MYO5B: variants seen among roughly 807,000 people sequenced by gnomAD.
MYO5B encodes the protein unconventional myosin-Vb.
A neutral mutation model predicts 229.3 loss-of-function variants in MYO5B; 143 were observed. The ratio of observed to expected loss-of-function variants is 0.62; its 90% CI spans 0.54 to 0.72. MYO5B has a LOEUF of 0.72. Ranked by LOEUF, MYO5B falls within the 30% of genes least tolerant of loss-of-function variation. The probability of loss-of-function intolerance (pLI) is 0.00; values close to 1 mark genes in which losing one functional copy is unlikely to be tolerated. For missense variants in MYO5B, 2,321 were observed against 2,331.0 expected (o/e 1.00, Z 0.09); for synonymous variants, 918 against 885.2 (o/e 1.04, Z -0.66).
intron 29 of MYO5B, among the ~76,000 whole-genome samples, chr18:49,857,588 T>C (rs1181081402): frequency 6.6e-6 from 1 of 152,222 alleles, no homozygotes; most frequent in East Asian, 1.9e-4. Context: ...TGTGATGCCC[T>C]AGATGAGAAC....
At chr18:49,868,110 T>C (rs1274306098) in intron 27 of MYO5B, among the ~76,000 whole-genome samples, 1 of 152,096 alleles carries the variant, frequency 6.6e-6, no homozygotes, top group Non-Finnish European at 1.5e-5. Flanking sequence ...AAAAATTATA[T>C]ATATAACAAC....
At chr18:50,067,200 A>G (rs921384939) in intron 1 of MYO5B, among the ~76,000 whole-genome samples, 2 of 152,220 alleles carry the variant, frequency 1.3e-5, no homozygotes, top group African/African-American at 4.8e-5. Context: ...GATGGGCCCC[A>G]TCTTCTCAAT....
At chr18:49,936,094 C>A (rs1480733781) in intron 16 of MYO5B, among the ~76,000 whole-genome samples, 158 bp downstream of exon 16, 1 of 152,256 alleles carries the variant, frequency 6.6e-6, no homozygotes, top group Non-Finnish European at 1.5e-5. Flanking sequence ...CAGCAAGTGT[C>A]TGTCAGTCTG....
chr18:50,085,787 C>T (rs1422882974), intron 1 of MYO5B, among the ~76,000 whole-genome samples: 3 of 152,098 alleles, frequency 2.0e-5, no homozygotes, highest in Non-Finnish European at 2.9e-5. Flanking sequence ...AAACTGGAAA[C>T]CATCATTCTC....
chr18:50,015,234 G>A (rs532331418), intron 4 of MYO5B, among the ~76,000 whole-genome samples: 2 of 152,280 alleles, frequency 1.3e-5, no homozygotes, highest in East Asian at 3.9e-4. Flanking sequence ...TTGTGCATTG[G>A]AGGGAAATGA....
In MYO5B at chr18:49,953,952, CATGTGTGTGTGTGT is replaced by C. The variant is rs1355628997; in HGVS notation, c.1668+347_1668+360del. Among the ~76,000 whole-genome samples, 5 of 116,088 alleles carry C rather than the reference CATGTGTGTGTGTGT, an allele frequency of 4.3e-5. No homozygotes were observed. In the South Asian group the frequency reaches 9.2e-4, roughly 21 times the overall value. The allele number at this position is 116,088 out of a possible 152,430, so 76.2% of individuals were successfully genotyped here. On this transcript the variant is annotated intron_variant, in intron 13 of 39. Coordinates refer to ENST00000285039, the MANE Select transcript of MYO5B (RefSeq NM_001080467.3). ...TGTGTGTAGACTATATATATACAGACATGTGTGTGTGTGTATGTGTGTGTGTATAGACTATATAT... is the reference window on the plus strand; with the variant it reads ...TGTGTGTAGACTATATATATACAGACATGTGTGTGTGTATAGACTATATAT...
intron 17 of MYO5B, among the ~76,000 whole-genome samples, chr18:49,916,635 C>T (rs1050774307): frequency 6.6e-6 from 1 of 152,110 alleles, no homozygotes; most frequent in Non-Finnish European, 1.5e-5. Flanking sequence ...AGAGGAGATG[C>T]CAGCTCCTGT....
intron 1 of MYO5B, among the ~76,000 whole-genome samples, chr18:50,141,362 G>A (rs1360040799): frequency 1.3e-5 from 2 of 152,196 alleles, no homozygotes; most frequent in African/African-American, 2.4e-5. Context: ...AAATATGACT[G>A]CAAAATTGCC....
chr18:49,879,532 A>C, intron 23 of MYO5B: 2 of 231,608 alleles, frequency 8.6e-6, no homozygotes, highest in Non-Finnish European at 1.7e-5. Flanking sequence ...AGGATGGGCT[A>C]CTTCCCTGCC....
chr18:50,091,475 A>G (rs2031446967), intron 1 of MYO5B, among the ~76,000 whole-genome samples: 1 of 152,202 alleles, frequency 6.6e-6, no homozygotes, highest in South Asian at 2.1e-4. Flanking sequence ...CTTCATAGTA[A>G]TTAACATACA....
rs150128152 is a variant in MYO5B at position 50,173,499 on chromosome 18, G to C, written c.27+21268C>G. Among the ~76,000 whole-genome samples, 347 of 152,310 alleles carry C rather than the reference G, an allele frequency of 2.3e-3. 2 individuals are homozygous for C. The highest frequency in any genetic ancestry group is 8.1e-3 in the African/African-American group (337 of 41,568). ...TACATTGATCTGGCTGCTGCACAGAGAACAGACTGGAAGGAGACAAGGGAA... is the reference window on the plus strand; with the variant it reads ...TACATTGATCTGGCTGCTGCACAGACAACAGACTGGAAGGAGACAAGGGAA... On this transcript the variant is annotated intron_variant, in intron 1 of 39. Coordinates refer to ENST00000285039, the MANE Select transcript of MYO5B (RefSeq NM_001080467.3).
At chr18:50,103,833 CTAAA>C (rs1423766975) in intron 1 of MYO5B, among the ~76,000 whole-genome samples, 2 of 152,048 alleles carry the variant, frequency 1.3e-5, no homozygotes, top group Non-Finnish European at 2.9e-5. Flanking sequence ...TTCATGGACT[CTAAA>C]TAATAATTTG....
chr18:49,922,730 A>G (rs1373570441), intron 17 of MYO5B, among the ~76,000 whole-genome samples: 1 of 152,094 alleles, frequency 6.6e-6, no homozygotes, highest in Non-Finnish European at 1.5e-5. Flanking sequence ...CTGTGATACC[A>G]GAAATACAGT....
chr18:50,005,965 C>T (rs182506935), intron 4 of MYO5B, among the ~76,000 whole-genome samples: 1 of 152,324 alleles, frequency 6.6e-6, no homozygotes, highest in East Asian at 1.9e-4. Context: ...CTTTGTCCTC[C>T]TTTTAAGACC....
At chr18:50,114,060 C>G (rs765769268) in intron 1 of MYO5B, among the ~76,000 whole-genome samples, 5 of 152,148 alleles carry the variant, frequency 3.3e-5, no homozygotes, top group South Asian at 2.1e-4. Flanking sequence ...GGTTCTTTGC[C>G]TCTTCTCTTT....
intron 16 of MYO5B, among the ~76,000 whole-genome samples, chr18:49,934,099 C>T (rs1237598209): frequency 6.6e-6 from 1 of 152,232 alleles, no homozygotes; most frequent in Admixed American, 6.5e-5. Context: ...CGCTCTCAAA[C>T]TCCTTGCCTC....
intron 1 of MYO5B, among the ~76,000 whole-genome samples, chr18:50,103,318 G>A (rs1290880758): frequency 6.6e-6 from 1 of 151,826 alleles, no homozygotes; most frequent in Non-Finnish European, 1.5e-5. Flanking sequence ...AACTATGGAG[G>A]CTGGGAAGGG....
chr18:49,893,761 G>T (rs777545172), intron 22 of MYO5B, among the ~76,000 whole-genome samples: 2 of 152,224 alleles, frequency 1.3e-5, no homozygotes, highest in Non-Finnish European at 2.9e-5. Context: ...GTGGGAAGAA[G>T]ATCTATGCAA....
chr18:49,982,323 G>A (rs2025824798), intron 8 of MYO5B, among the ~76,000 whole-genome samples: 1 of 152,186 alleles, frequency 6.6e-6, no homozygotes, highest in Non-Finnish European at 1.5e-5. Context: ...CTCCCAAGGT[G>A]TTGGGATTAC....
Sources: gnomAD v4.1 joint callset for allele counts (sites outside exome capture counted in the v4.1 genomes callset) on GRCh38, gnomAD v4.1.1 for gene constraint, MANE v1.5 for transcripts, NCBI Gene and HGNC (gene_info 2026-07-23, HGNC 2026-07-21) for gene names.